The following PFKP variants were observed in gnomAD, a reference collection of about 807,000 sequenced individuals.
PFKP encodes ATP-dependent 6-phosphofructokinase, platelet type.
PFKP carries 101 observed loss-of-function variants against 94.3 expected under a neutral mutation model. That is an observed-to-expected ratio of 1.07 (90% CI 0.91 to 1.26). PFKP has a LOEUF of 1.26. Among genes scored for constraint, PFKP ranks in the 50% most tolerant of loss-of-function variants. The pLI is 0.00. For missense variants in PFKP, 1,145 were observed against 1,103.3 expected, an observed-to-expected ratio of 1.04 and a Z score of -0.53; for synonymous variants, 573 against 432.6, an observed-to-expected ratio of 1.32 and a Z score of -4.03.
chr10:3,079,670 G>T (rs969293797), intron 1 of PFKP, among the ~76,000 whole-genome samples: 17 of 121,662 alleles, frequency 1.4e-4, no homozygotes, highest in African/African-American at 4.2e-4. Flanking sequence ...GGTGGGGGGG[G>T]GGGGAAGAGG....
chr10:3,113,538 G>T lies in PFKP; in HGVS notation c.1371+20G>T. On this transcript the variant is annotated intron_variant, in intron 13 of 21. Transcript: ENST00000381125. Reference sequence around the variant, plus strand: ...GGCCAGGTGAGTCACCCAGGATGCCGTAGGCAGGCAGACACCCTGGCTGTG... The same window carrying T: ...GGCCAGGTGAGTCACCCAGGATGCCTTAGGCAGGCAGACACCCTGGCTGTG... The T allele has an allele frequency of 1.2e-6, 2 of 1,607,758 alleles. No homozygotes were observed. Among genetic ancestry groups the T allele is most frequent in the Non-Finnish European group, 8.5e-7 (1 of 1,178,826 alleles).
intron 3 of PFKP, among the ~76,000 whole-genome samples, chr10:3,099,861 G>A (rs1051407006): frequency 1.3e-5 from 2 of 151,920 alleles, no homozygotes; most frequent in South Asian, 2.1e-4. Flanking sequence ...TGTGTGTGGT[G>A]TATGTGGTGT....
chr10:3,097,718 C>A (rs1588452660), intron 2 of PFKP, among the ~76,000 whole-genome samples: 1 of 152,106 alleles, frequency 6.6e-6, no homozygotes, highest in South Asian at 2.1e-4. Context: ...TATAAACACA[C>A]ATGTGGCCAG....
chr10:3,079,765 G>A (rs551380484), intron 1 of PFKP, among the ~76,000 whole-genome samples: 49 of 151,298 alleles, frequency 3.2e-4, no homozygotes, highest in African/African-American at 1.0e-3. Flanking sequence ...GTGTTTGATG[G>A]GTAATTCATC....
At chr10:3,108,874 C>A in intron 9 of PFKP, 81 bp downstream of exon 9, 1 of 1,015,586 alleles carries the variant, frequency 9.8e-7, no homozygotes, top group Non-Finnish European at 1.6e-6. Context: ...CAGCCGGCCA[C>A]AGAGGCTGGC....
chr10:3,096,356 A>C (rs931092699), intron 2 of PFKP, among the ~76,000 whole-genome samples: 1 of 152,030 alleles, frequency 6.6e-6, no homozygotes, highest in African/African-American at 2.4e-5. Flanking sequence ...CGGAACTGGC[A>C]CCTTCCCCCC....
intron 5 of PFKP, among the ~76,000 whole-genome samples, chr10:3,104,307 T>C (rs1835324793): frequency 6.6e-6 from 1 of 152,244 alleles, no homozygotes; most frequent in Non-Finnish European, 1.5e-5. Context: ...TGTCCTGCCC[T>C]GTGTAACCTA....
intron 2 of PFKP, among the ~76,000 whole-genome samples, chr10:3,096,313 C>T (rs928512196): frequency 9.9e-5 from 15 of 152,140 alleles, no homozygotes; most frequent in African/African-American, 3.4e-4. Flanking sequence ...GATGCTGCAG[C>T]GGCCTTGGCA....
At chr10:3,092,461 C>T (rs565504248) in intron 2 of PFKP, among the ~76,000 whole-genome samples, 112 of 151,950 alleles carry the variant, frequency 7.4e-4, no homozygotes, top group South Asian at 4.8e-3. Flanking sequence ...GTGTTGATAG[C>T]GGAGTAGGCT....
intron 15 of PFKP, among the ~76,000 whole-genome samples, chr10:3,119,344 G>A (rs1837152865): frequency 2.0e-5 from 3 of 152,178 alleles, no homozygotes; most frequent in South Asian, 2.1e-4. Context: ...GGTGGCTCAC[G>A]CCTGTAATCT....
Position 3,113,363 on chromosome 10 carries a change from G to GTT in PFKP, c.1225-6_1225-5dup. ...GTGACCCAGCACTCACCTGCCTTCT[G>GTT]TTTTGCAGACCAATTGCAACGTAGC... On this transcript the variant is annotated splice_polypyrimidine_tract_variant and intron_variant, in intron 12 of 21. Coordinates refer to ENST00000381125, the MANE Select transcript of PFKP (RefSeq NM_002627.5). 4 of 1,579,744 alleles carry GTT rather than the reference G, an allele frequency of 2.5e-6. No homozygotes were observed. Among genetic ancestry groups the GTT allele is most frequent in the Non-Finnish European group, 2.6e-6 (3 of 1,159,186 alleles).
chr10:3,079,246 T>G (rs184499606), intron 1 of PFKP, among the ~76,000 whole-genome samples: 1 of 150,802 alleles, frequency 6.6e-6, no homozygotes, highest in East Asian at 2.0e-4. Flanking sequence ...TCCAGCTTTT[T>G]TTTTCTGAGA....
Position 3,130,439 on chromosome 10 carries a change from C to T in PFKP, c.1848+456C>T, listed in dbSNP as rs1003687498. On this transcript the variant is annotated intron_variant, in intron 17 of 21. Transcript: ENST00000381125. Reference sequence around the variant, plus strand: ...CTGTGGCTCTTTTAGGGAAGGGTGTCGCTGACCCCGCGGTCTGCCCCTGCT... The same window carrying T: ...CTGTGGCTCTTTTAGGGAAGGGTGTTGCTGACCCCGCGGTCTGCCCCTGCT... Among the ~76,000 whole-genome samples the T allele has an allele frequency of 3.9e-5, 6 of 152,266 alleles. No individual in the cohort carries two copies. The South Asian group carries it at 8.3e-4, about 21-fold the overall frequency.
At chr10:3,124,794 C>A (rs1033633487) in intron 16 of PFKP, among the ~76,000 whole-genome samples, 1 of 152,202 alleles carries the variant, frequency 6.6e-6, no homozygotes, top group Admixed American at 6.5e-5. Flanking sequence ...CTGTCCCACT[C>A]GTGACTAACT....
At chr10:3,111,656 A>G (rs1372942465) in intron 10 of PFKP, among the ~76,000 whole-genome samples, 1 of 152,030 alleles carries the variant, frequency 6.6e-6, no homozygotes, top group African/African-American at 2.4e-5. Context: ...CAGATGAGGA[A>G]ATTGAAGTTC....
At chr10:3,071,857 G>A (rs1292738563) in intron 1 of PFKP, among the ~76,000 whole-genome samples, 1 of 152,212 alleles carries the variant, frequency 6.6e-6, no homozygotes, top group Non-Finnish European at 1.5e-5. Flanking sequence ...TTATGTGGCA[G>A]GGCCTCAGTG....
intron 1 of PFKP, among the ~76,000 whole-genome samples, chr10:3,082,122 T>A (rs1340172862): frequency 6.6e-6 from 1 of 152,024 alleles, no homozygotes; most frequent in African/African-American, 2.4e-5. Context: ...GTTTTGCAGT[T>A]GAATGGAGTG....
In PFKP at chr10:3,077,509, G is replaced by A. The variant is rs181765478; in HGVS notation, c.113-4879G>A. On this transcript the variant is annotated intron_variant, in intron 1 of 21. Transcript: ENST00000381125. ...TCTCGATCTCCTGACCTCGTGATCC[G>A]CCCACCTTGGCCTCCCAAAGTGCTG... Among the ~76,000 whole-genome samples, 100 of 151,458 alleles carry A rather than the reference G, an allele frequency of 6.6e-4. 2 individuals carry two copies. The highest frequency in any genetic ancestry group is 1.9e-3 in the African/African-American group (78 of 41,274).
intron 1 of PFKP, chr10:3,068,825 G>C: frequency 2.1e-6 from 1 of 476,078 alleles, no homozygotes; most frequent in African/African-American, 2.1e-5. Flanking sequence ...CCCGAGCTGG[G>C]TTTTGATTTT....
Sources: gnomAD v4.1 joint callset for allele counts (sites outside exome capture counted in the v4.1 genomes callset) on GRCh38, gnomAD v4.1.1 for gene constraint, MANE v1.5 for transcripts, NCBI Gene and HGNC (gene_info 2026-07-23, HGNC 2026-07-21) for gene names.